The following CFAP46 variants were observed in gnomAD, a reference collection of about 807,000 sequenced individuals.
CFAP46 encodes cilia and flagella associated protein 46.
A neutral mutation model predicts 325.7 loss-of-function variants in CFAP46; 245 were observed. The observed-to-expected ratio is 0.75, with a 90% confidence interval of 0.68 to 0.84. The LOEUF (loss-of-function observed/expected upper bound fraction) is 0.84, where lower values mean the gene tolerates loss of function less well. CFAP46 is among the 40% of genes least tolerant of loss of function. The pLI is 0.00. For missense variants in CFAP46, 3,346 were observed against 3,543.0 expected (o/e 0.94, Z 1.41); for synonymous variants, 1,523 against 1,495.9 (o/e 1.02, Z -0.42).
At chr10:132,913,007 A>C in intron 18 of CFAP46, 39 bp downstream of exon 18, 3 of 1,538,018 alleles carry the variant, frequency 2.0e-6, no homozygotes, top group Non-Finnish European at 2.6e-6. Context: ...CAAGGGAAGA[A>C]GCCCCTCCCT....
At position 132,812,865 on chromosome 10, in the gene CFAP46, C is replaced by T. The variant is rs1847609663; in HGVS notation, c.7421G>A (p.Cys2474Tyr). ...QAQWEQALGS[C>Y]SGFFFYGMES... Reference sequence around the variant, plus strand: ...CATTCCATAGAAGAAGAAACCGCTGCAGCTGCCCAGGGCCTGCTCCCACTG... The same window carrying T: ...CATTCCATAGAAGAAGAAACCGCTGTAGCTGCCCAGGGCCTGCTCCCACTG... Residue 2474 changes from cysteine to tyrosine, a missense_variant, in exon 55 of 58, where the codon TGC (cysteine) becomes TAC (tyrosine). Coordinates refer to ENST00000368586, the MANE Select transcript of CFAP46 (RefSeq NM_001200049.3). The T allele has an allele frequency of 6.2e-7, 1 of 1,610,248 alleles. No individual in the cohort carries two copies. The highest frequency in any genetic ancestry group is 8.5e-7 in the Non-Finnish European group (1 of 1,179,798).
chr10:132,925,862 G>A (rs1437636469), intron 10 of CFAP46, among the ~76,000 whole-genome samples: 1 of 152,186 alleles, frequency 6.6e-6, no homozygotes, highest in South Asian at 2.1e-4. Context: ...GCACTGACCC[G>A]CACGCCCCTG....
chr10:132,889,542 G>C lies in CFAP46; in HGVS notation c.3304+2791C>G, dbSNP rs1435090244. Among the ~76,000 whole-genome samples, 1 of 152,174 alleles carries C rather than the reference G, an allele frequency of 6.6e-6. No individual in the cohort carries two copies. The highest frequency in any genetic ancestry group is 2.4e-5 in the African/African-American group (1 of 41,432). On this transcript the variant is annotated intron_variant, in intron 25 of 57. Coordinates refer to ENST00000368586, the MANE Select transcript of CFAP46 (RefSeq NM_001200049.3). This position sits in a 1 kb window ranked among gnomAD's most constrained non-coding sequence, Gnocchi z 6.0. ...ATTAAACCAGGGTCCAATGAACTTGGAAACCACACATAGGGTCGCAGGGAG... is the reference window on the plus strand; with the variant it reads ...ATTAAACCAGGGTCCAATGAACTTGCAAACCACACATAGGGTCGCAGGGAG...
intron 50 of CFAP46, 81 bp from the exon 51 acceptor site, chr10:132,814,995 G>A: frequency 8.2e-7 from 1 of 1,223,432 alleles, no homozygotes; most frequent in Non-Finnish European, 1.2e-6. Flanking sequence ...TTAATTTCAT[G>A]TTATGCAAAT....
chr10:132,917,476 T>A (rs985388143), intron 16 of CFAP46, among the ~76,000 whole-genome samples: 8 of 152,234 alleles, frequency 5.3e-5, no homozygotes, highest in Non-Finnish European at 8.8e-5. Flanking sequence ...TGAGCCTGCG[T>A]GGGAGGAACA....
chr10:132,815,150 GC>G (rs1406349023), intron 50 of CFAP46, among the ~76,000 whole-genome samples: 1 of 152,178 alleles, frequency 6.6e-6, no homozygotes, highest in Non-Finnish European at 1.5e-5. Context: ...AGGCTCCAAG[GC>G]CCACCTGGCT....
chr10:132,815,006 T>C, intron 50 of CFAP46, 92 bp from the exon 51 acceptor site: 1 of 1,132,570 alleles, frequency 8.8e-7, no homozygotes, highest in Admixed American at 2.1e-5. Context: ...TTATGCAAAT[T>C]TCACTTAAAT....
chr10:132,823,746 C>G (rs1847952272), intron 50 of CFAP46, among the ~76,000 whole-genome samples: 2 of 102,524 alleles, frequency 2.0e-5, no homozygotes, highest in Non-Finnish European at 4.2e-5. Flanking sequence ...GCTGTGTGCG[C>G]TGATGTGTGC....
intron 17 of CFAP46, 106 bp from the exon 18 acceptor site, chr10:132,913,364 G>A: frequency 1.6e-6 from 1 of 611,022 alleles, no homozygotes; most frequent in East Asian, 3.4e-5. Context: ...AGGGCAAGAA[G>A]TGGGAGGGGC....
intron 18 of CFAP46, 110 bp downstream of exon 18, chr10:132,912,936 T>C: frequency 6.7e-7 from 1 of 1,482,286 alleles, no homozygotes; most frequent in Non-Finnish European, 9.1e-7. Context: ...CCCACGACCC[T>C]CCTCTGCTGG....
At chr10:132,875,427 G>C (rs1267315021) in intron 31 of CFAP46, among the ~76,000 whole-genome samples, 1 of 152,226 alleles carries the variant, frequency 6.6e-6, no homozygotes, top group Non-Finnish European at 1.5e-5. Flanking sequence ...GAGAATAAAA[G>C]GAATAGCCCA....
chr10:132,939,672 G>A lies in CFAP46; in HGVS notation c.372-919C>T, dbSNP rs1179536637. On this transcript the variant is annotated intron_variant, in intron 4 of 57. Transcript: ENST00000368586. The surrounding 1 kb of genome is among the most constrained non-coding windows in gnomAD (Gnocchi z 4.6). ...GTTTTCAGGAGAGGAGCGGAGGTGC[G>A]GGGTGTCCTGACCAGACGGTCACGC... Among the ~76,000 whole-genome samples the A allele has an allele frequency of 1.3e-5, 2 of 152,140 alleles. No homozygotes were observed. The highest frequency in any genetic ancestry group is 2.9e-5 in the Non-Finnish European group (2 of 68,024).
intron 25 of CFAP46, among the ~76,000 whole-genome samples, chr10:132,887,721 C>T: frequency 9.1e-6 from 1 of 109,802 alleles, no homozygotes. Context: ...CCGCTCCTCT[C>T]TCTCTCCTCT....
rs1848093961 is a variant in CFAP46, at chr10:132,828,363, C to G, written c.7117+4995G>C. 6.6e-6 allele frequency among the ~76,000 whole-genome samples: 1 copy of G among 151,982 alleles called. No individual in the cohort carries two copies. The highest frequency in any genetic ancestry group is 1.5e-5 in the Non-Finnish European group (1 of 68,040). On this transcript the variant is annotated intron_variant, in intron 50 of 57. Coordinates refer to ENST00000368586, the MANE Select transcript of CFAP46 (RefSeq NM_001200049.3). The surrounding 1 kb of genome is among the most constrained non-coding windows in gnomAD (Gnocchi z 4.9). ...GTTCCACACCCTCCCAACACGCGCT[C>G]TGGTCGACTGTGTGAGTTTCACCCA...
intron 46 of CFAP46, among the ~76,000 whole-genome samples, 187 bp downstream of exon 46, chr10:132,835,955 C>T (rs1255081015): frequency 1.1e-5 from 1 of 90,508 alleles, no homozygotes; most frequent in Admixed American, 1.1e-4. Context: ...CCTCCCCCCA[C>T]TCCCCTCCCC....
chr10:132,925,900 A>C (rs1417808229), intron 10 of CFAP46, among the ~76,000 whole-genome samples: 1 of 152,198 alleles, frequency 6.6e-6, no homozygotes, highest in East Asian at 1.9e-4. Context: ...GGAGCCTCGC[A>C]CTGCCTGGCT....
chr10:132,851,630 G>C (rs574511675), intron 39 of CFAP46, among the ~76,000 whole-genome samples: 1 of 152,172 alleles, frequency 6.6e-6, no homozygotes, highest in Admixed American at 6.5e-5. Context: ...CTGTCTTTCC[G>C]TCTGGTTCAT....
At chr10:132,933,145 T>C (rs1285858768) in intron 8 of CFAP46, among the ~76,000 whole-genome samples, 2 of 152,204 alleles carry the variant, frequency 1.3e-5, no homozygotes, top group Non-Finnish European at 2.9e-5. Context: ...TGGGTAGCTG[T>C]GGGCAGGAGG....
At chr10:132,938,487 T>A in intron 5 of CFAP46, 102 bp downstream of exon 5, 1 of 1,123,190 alleles carries the variant, frequency 8.9e-7, no homozygotes, top group Non-Finnish European at 1.3e-6. Context: ...TGTGCCCCAG[T>A]GATGTGGAAC....
Sources: allele counts gnomAD v4.1 joint callset (sites outside exome capture counted in the v4.1 genomes callset), GRCh38; gene constraint gnomAD v4.1.1; non-coding constraint Gnocchi (gnomAD v3.1); transcripts MANE v1.5; gene names NCBI Gene and HGNC (gene_info 2026-07-23, HGNC 2026-07-21).